ERBB4: variants seen among roughly 807,000 people sequenced by gnomAD.
ERBB4 encodes receptor tyrosine-protein kinase erbB-4.
Under a neutral mutation model 158.0 loss-of-function variants are expected in ERBB4, and 42 were observed. The observed-to-expected ratio is 0.27, with a 90% confidence interval of 0.21 to 0.34. The LOEUF (loss-of-function observed/expected upper bound fraction) is 0.34. Ranked by LOEUF, ERBB4 falls within the 10% of genes least tolerant of loss-of-function variation. The probability of loss-of-function intolerance (pLI) is 1.00; values close to 1 mark genes in which losing one functional copy is unlikely to be tolerated. For synonymous variants in ERBB4, 583 were observed against 558.7 expected (o/e 1.04, Z -0.61); for missense variants, 1,333 against 1,624.1 (o/e 0.82, Z 3.08).
At position 212,178,311 on chromosome 2, in the gene ERBB4, A is replaced by G. The variant is rs567191679; in HGVS notation, c.83-53408T>C. On this transcript the variant is annotated intron_variant, in intron 1 of 27. Coordinates refer to ENST00000342788, the MANE Select transcript of ERBB4 (RefSeq NM_005235.3). ...TTTAAGGTTTTATTTTGGAAAAGCAATTAAGAGGACACTAAAGGATTTCAG... is the reference window on the plus strand; with the variant it reads ...TTTAAGGTTTTATTTTGGAAAAGCAGTTAAGAGGACACTAAAGGATTTCAG... 2.6e-5 allele frequency among the ~76,000 whole-genome samples: 4 copies of G among 151,896 alleles called. No homozygotes were observed. In the South Asian group the frequency reaches 8.3e-4, roughly 31 times the overall value.
intron 25 of ERBB4, among the ~76,000 whole-genome samples, chr2:211,414,526 A>G (rs1273735955): frequency 2.0e-5 from 3 of 149,494 alleles, no homozygotes; most frequent in South Asian, 4.2e-4. Context: ...AAAAAAAAGA[A>G]AAGAAAAGAA....
chr2:211,562,973 G>T (rs1052833325), intron 19 of ERBB4, among the ~76,000 whole-genome samples: 1 of 151,746 alleles, frequency 6.6e-6, no homozygotes, highest in African/African-American at 2.4e-5. Flanking sequence ...GGGTTTCACC[G>T]TTTTAGCCGG....
At chr2:211,705,038 T>G (rs1381118370) in intron 10 of ERBB4, among the ~76,000 whole-genome samples, 7 of 152,122 alleles carry the variant, frequency 4.6e-5, no homozygotes, top group Admixed American at 1.3e-4. Context: ...CTCACTGCAA[T>G]CTCCACCTCC....
intron 8 of ERBB4, among the ~76,000 whole-genome samples, chr2:211,713,000 A>G (rs1180139932): frequency 2.0e-5 from 3 of 152,154 alleles, no homozygotes; most frequent in Non-Finnish European, 4.4e-5. Context: ...GCTGGAAGAG[A>G]TTCCTTCCTC....
At chr2:212,072,037 G>A (rs138841567) in intron 2 of ERBB4, among the ~76,000 whole-genome samples, 21 of 152,066 alleles carry the variant, frequency 1.4e-4, no homozygotes, top group South Asian at 2.1e-4. Context: ...TTCCATAGTC[G>A]TACAGGTAGC....
intron 1 of ERBB4, among the ~76,000 whole-genome samples, chr2:212,453,241 T>C (rs1048102057): frequency 6.6e-6 from 1 of 152,186 alleles, no homozygotes; most frequent in Non-Finnish European, 1.5e-5. Context: ...CCTCCGCATA[T>C]AGACTCTAAC....
intron 1 of ERBB4, among the ~76,000 whole-genome samples, chr2:212,413,519 A>G (rs1211468433): frequency 6.6e-6 from 1 of 152,132 alleles, no homozygotes; most frequent in African/African-American, 2.4e-5. Context: ...ATCATAATTA[A>G]TAGTGATTGG....
At chr2:211,400,025 G>C (rs1559130137) in intron 25 of ERBB4, among the ~76,000 whole-genome samples, 1 of 152,102 alleles carries the variant, frequency 6.6e-6, no homozygotes, top group African/African-American at 2.4e-5. Context: ...AAATGCTACA[G>C]AAAATCAAAC....
chr2:212,258,795 C>T (rs2084832052), intron 1 of ERBB4, among the ~76,000 whole-genome samples: 1 of 151,672 alleles, frequency 6.6e-6, no homozygotes, highest in Non-Finnish European at 1.5e-5. Context: ...TCAGTGCATA[C>T]AAAACTCATG....
intron 1 of ERBB4, among the ~76,000 whole-genome samples, chr2:212,294,198 T>C (rs1362132909): frequency 1.3e-5 from 2 of 152,034 alleles, no homozygotes; most frequent in Non-Finnish European, 2.9e-5. Context: ...AAATACAAGG[T>C]TTTATTACAC....
At chr2:211,777,100 T>C (rs1237721227) in intron 4 of ERBB4, 1 of 152,134 alleles carries the variant, frequency 6.6e-6, no homozygotes, top group African/African-American at 2.4e-5. Context: ...CGGAAATAGT[T>C]CTTCAAATTG....
chr2:212,141,664 C>A (rs570091131), intron 1 of ERBB4, among the ~76,000 whole-genome samples: 1 of 152,020 alleles, frequency 6.6e-6, no homozygotes, highest in Admixed American at 6.6e-5. Context: ...ACTATTCTCT[C>A]TTTCCATAAC....
rs554469883 is a variant in ERBB4, at chr2:211,843,407, G to A, written c.422-55248C>T. Among the ~76,000 whole-genome samples, 243 of 125,448 alleles carry A rather than the reference G, an allele frequency of 1.9e-3. 1 individual carries two copies. The highest frequency in any genetic ancestry group is 5.8e-3 in the African/African-American group (218 of 37,466). The allele number at this position is 125,448 out of a possible 152,430, so 82.3% of individuals were successfully genotyped here. A position where few individuals can be genotyped will look rare whatever the true frequency, so the allele number is the denominator to read the frequency against. Reference sequence around the variant, plus strand: ...AACACTCAGGCTGGTGCACATGTGCGTGCGTGTGCACACACACACACACAC... The same window carrying A: ...AACACTCAGGCTGGTGCACATGTGCATGCGTGTGCACACACACACACACAC... On this transcript the variant is annotated intron_variant, in intron 3 of 27. Coordinates refer to ENST00000342788, the MANE Select transcript of ERBB4 (RefSeq NM_005235.3).
chr2:211,604,488 AT>A (rs145123886), intron 19 of ERBB4, among the ~76,000 whole-genome samples: 23,251 of 152,146 alleles, frequency 0.15, 2,420 homozygotes, highest in Non-Finnish European at 0.23. Flanking sequence ...TTGTCCCTGA[AT>A]ACTTTATGCT....
At chr2:212,191,371 A>C (rs1021875373) in intron 1 of ERBB4, among the ~76,000 whole-genome samples, 7 of 152,012 alleles carry the variant, frequency 4.6e-5, no homozygotes, top group Non-Finnish European at 1.0e-4. Flanking sequence ...TTTTAATGTT[A>C]CTTTTAAAAA....
chr2:211,456,925 G>A (rs1345447356), intron 20 of ERBB4, among the ~76,000 whole-genome samples: 1 of 152,116 alleles, frequency 6.6e-6, no homozygotes, highest in East Asian at 1.9e-4. Context: ...CTGTGGTCCT[G>A]GGGTTGGGGA....
chr2:211,920,937 T>C (rs1310871909), intron 3 of ERBB4, among the ~76,000 whole-genome samples: 1 of 151,950 alleles, frequency 6.6e-6, no homozygotes, highest in Non-Finnish European at 1.5e-5. Context: ...TGTTTATTAA[T>C]ACTGGAATGT....
chr2:211,843,192 C>T (rs1474118979), intron 3 of ERBB4, among the ~76,000 whole-genome samples: 1 of 152,066 alleles, frequency 6.6e-6, no homozygotes, highest in African/African-American at 2.4e-5. Flanking sequence ...AATGACTTGC[C>T]TCTACTGATA....
chr2:212,116,780 G>T (rs2079584157), intron 2 of ERBB4, among the ~76,000 whole-genome samples: 2 of 152,068 alleles, frequency 1.3e-5, no homozygotes, highest in Admixed American at 1.3e-4. Context: ...TGATTAAAAA[G>T]AAAATTTAAA....
Sources: gnomAD v4.1 joint callset for allele counts (sites outside exome capture counted in the v4.1 genomes callset) on GRCh38, gnomAD v4.1.1 for gene constraint, MANE v1.5 for transcripts, NCBI Gene and HGNC (gene_info 2026-07-23, HGNC 2026-07-21) for gene names.